Variants in M1AP observed in about 807,000 individuals in gnomAD.
M1AP encodes the protein meiosis 1 associated protein.
Under a neutral mutation model 51.2 loss-of-function variants are expected in M1AP, and 39 were observed. That is an observed-to-expected ratio of 0.76 (90% CI 0.59 to 1.00). The LOEUF is 1.00. Among genes scored for constraint, M1AP ranks in the 50% least tolerant of loss-of-function variants. M1AP has a pLI of 0.00. For synonymous variants in M1AP, 251 were observed against 249.2 expected (o/e 1.01, Z -0.07); for missense variants, 545 against 641.2 (o/e 0.85, Z 1.62).
At chr2:74,582,658 C>T (rs1450223571) in intron 4 of M1AP, among the ~76,000 whole-genome samples, 1 of 152,148 alleles carries the variant, frequency 6.6e-6, no homozygotes, top group Non-Finnish European at 1.5e-5. Flanking sequence ...TTCTGAGATA[C>T]TTTCCCTTTT....
At chr2:74,592,461 A>G (rs1386655266) in intron 4 of M1AP, among the ~76,000 whole-genome samples, 1 of 152,092 alleles carries the variant, frequency 6.6e-6, no homozygotes, top group South Asian at 2.1e-4. Flanking sequence ...TTATGTGTTT[A>G]TGACTTTTTT....
chr2:74,571,693 A>T (rs1402075921), intron 7 of M1AP, among the ~76,000 whole-genome samples: 2 of 152,134 alleles, frequency 1.3e-5, no homozygotes, highest in Non-Finnish European at 2.9e-5. Context: ...AAGAAGGAAG[A>T]GGCATTTAAA....
chr2:74,625,053 TG>T (rs1682287852), intron 2 of M1AP, among the ~76,000 whole-genome samples: 1 of 152,194 alleles, frequency 6.6e-6, no homozygotes, highest in South Asian at 2.1e-4. Context: ...CACTGACAAA[TG>T]GCATATAAGC....
intron 3 of M1AP, among the ~76,000 whole-genome samples, chr2:74,613,561 T>C (rs114502305): frequency 0.014 from 2,198 of 152,238 alleles, 64 homozygotes; most frequent in African/African-American, 0.05. Flanking sequence ...TTCTGCTACA[T>C]TGAAGGATAC....
intron 7 of M1AP, among the ~76,000 whole-genome samples, chr2:74,575,090 A>G (rs2021725): frequency 0.36 from 55,277 of 152,196 alleles, 16,991 homozygotes; most frequent in East Asian, 0.82. Flanking sequence ...CATAGACTAA[A>G]TGCTCTTCAT....
intron 2 of M1AP, among the ~76,000 whole-genome samples, chr2:74,616,052 T>C (rs1165919995): frequency 6.6e-6 from 1 of 152,206 alleles, no homozygotes; most frequent in Non-Finnish European, 1.5e-5. Context: ...CCACAGTTGA[T>C]ATATTCTTCT....
intron 7 of M1AP, among the ~76,000 whole-genome samples, chr2:74,567,020 A>G (rs781493815): frequency 6.6e-6 from 1 of 152,238 alleles, no homozygotes; most frequent in Non-Finnish European, 1.5e-5. Context: ...GAGGATGTGG[A>G]AAGTGAGTCA....
chr2:74,597,173 T>C (rs1237325572), intron 4 of M1AP, among the ~76,000 whole-genome samples: 1 of 152,206 alleles, frequency 6.6e-6, no homozygotes, highest in East Asian at 1.9e-4. Flanking sequence ...TACTTTTAGA[T>C]TTTCTACTGA....
At chr2:74,606,048 G>A (rs900067510) in intron 4 of M1AP, among the ~76,000 whole-genome samples, 6 of 152,176 alleles carry the variant, frequency 3.9e-5, no homozygotes, top group Non-Finnish European at 8.8e-5. Context: ...CTAGGCTTCT[G>A]CCCAGCCGGG....
intron 7 of M1AP, among the ~76,000 whole-genome samples, chr2:74,564,141 A>T (rs1207962658): frequency 6.6e-6 from 1 of 152,234 alleles, no homozygotes; most frequent in African/African-American, 2.4e-5. Flanking sequence ...AGGAAAGAGG[A>T]TTATCAGTGT....
Position 74,576,477 on chromosome 2 carries a change from T to A in M1AP, c.911A>T (p.His304Leu). The part of the protein sequence containing the change: ...YQMASQSSAS[H>L]YKLQVIKALK... Reference sequence around the variant, plus strand: ...ATACTTGATCACTTGGAGCTTGTAATGAGAGGCCGATGACTGGGAAGCCAT... The same window carrying A: ...ATACTTGATCACTTGGAGCTTGTAAAGAGAGGCCGATGACTGGGAAGCCAT... Residue 304 changes from histidine (H) to leucine (L), a missense_variant, in exon 6 of 11, where the codon CAT (histidine) becomes CTT (leucine). Transcript: ENST00000421985. 1.2e-6 allele frequency: 2 copies of A among 1,613,642 alleles called. No homozygotes were observed. Among genetic ancestry groups the A allele is most frequent in the Non-Finnish European group, 1.7e-6 (2 of 1,179,790 alleles).
intron 2 of M1AP, among the ~76,000 whole-genome samples, chr2:74,628,174 A>C (rs901193198): frequency 2.0e-5 from 3 of 152,194 alleles, no homozygotes; most frequent in African/African-American, 7.2e-5. Flanking sequence ...CAATACGAAA[A>C]CTACTTTTCC....
At chr2:74,647,761 G>T (rs568647254) in intron 1 of M1AP, among the ~76,000 whole-genome samples, 1 of 152,304 alleles carries the variant, frequency 6.6e-6, no homozygotes, top group South Asian at 2.1e-4. Flanking sequence ...AGGCGTGGTG[G>T]CGGGAGCCTG....
Position 74,576,527 on chromosome 2 carries a change from T to C in M1AP, c.861A>G (p.Lys287=), listed in dbSNP as rs755225252. Residue 287 remains lysine (K), a synonymous_variant, in exon 6 of 11, where the codon AAA becomes AAG. Transcript: ENST00000421985. ...ADGSLRMDDP[K]GDFITLYQMA... is the part of the protein sequence containing the mutation. Reference sequence around the variant, plus strand: ...TCTGGTAGAGTGTGATGAAGTCTCCTTTAGGGTCATCCATTCTCAAGGAGC... The same window carrying C: ...TCTGGTAGAGTGTGATGAAGTCTCCCTTAGGGTCATCCATTCTCAAGGAGC... The C allele has an allele frequency of 6.3e-5, 101 of 1,613,960 alleles. No individual in the cohort carries two copies. The highest frequency in any genetic ancestry group is 2.2e-4 in the Admixed American group (13 of 59,990).
At position 74,607,226 on chromosome 2, in the gene M1AP, G is replaced by C; in HGVS notation, c.427-3C>G. 1 of 1,613,668 alleles carries C rather than the reference G, an allele frequency of 6.2e-7. No individual in the cohort carries two copies. Among genetic ancestry groups the C allele is most frequent in the Non-Finnish European group, 8.5e-7 (1 of 1,179,700 alleles). ...GGCTGAGAAGTCAGAATAGTAATCT[G>C]AAAATAAATCCAAGAATCAATGTGT... is the stretch of plus-strand genomic sequence containing the variant. On this transcript the variant is annotated splice_region_variant and splice_polypyrimidine_tract_variant and intron_variant, in intron 3 of 10. Coordinates refer to ENST00000421985, the MANE Select transcript of M1AP (RefSeq NM_001321739.2).
intron 2 of M1AP, among the ~76,000 whole-genome samples, chr2:74,633,603 T>C (rs1223414513): frequency 6.6e-6 from 1 of 152,184 alleles, no homozygotes; most frequent in Admixed American, 6.5e-5. Flanking sequence ...CCAATCTCTC[T>C]TTCCCATTGC....
intron 5 of M1AP, chr2:74,576,970 TG>T: frequency 9.9e-7 from 1 of 1,010,784 alleles, no homozygotes; most frequent in Non-Finnish European, 1.2e-6. Flanking sequence ...GTATCCTCTG[TG>T]GAGGAGGTAG....
At chr2:74,588,837 C>T (rs1679869338) in intron 4 of M1AP, among the ~76,000 whole-genome samples, 1 of 152,218 alleles carries the variant, frequency 6.6e-6, no homozygotes, top group South Asian at 2.1e-4. Flanking sequence ...GAACTGTTGT[C>T]ATTCATTCAT....
At chr2:74,628,224 C>A in intron 2 of M1AP, 1 of 231,476 alleles carries the variant, frequency 4.3e-6, no homozygotes, top group South Asian at 8.1e-5. Context: ...CAAAGCCAAT[C>A]CTCCTCATTG....
Sources: allele counts gnomAD v4.1 joint callset (sites outside exome capture counted in the v4.1 genomes callset), GRCh38; gene constraint gnomAD v4.1.1; transcripts MANE v1.5; gene names NCBI Gene and HGNC (gene_info 2026-07-23, HGNC 2026-07-21).